CLMN: variants seen among roughly 807,000 people sequenced by gnomAD.
The protein encoded by CLMN is calmin (calponin-like, transmembrane).
In CLMN, 57 loss-of-function variants were observed where a neutral mutation model predicts 92.7. The observed-to-expected ratio is 0.61, with a 90% confidence interval of 0.50 to 0.77. CLMN has a LOEUF of 0.77. CLMN is among the 30% of genes least tolerant of loss of function. The probability of loss-of-function intolerance (pLI) is 0.00; values close to 1 mark genes in which losing one functional copy is unlikely to be tolerated. For synonymous variants in CLMN, 466 were observed against 470.6 expected, an observed-to-expected ratio of 0.99 and a Z score of 0.13; for missense variants, 1,158 against 1,237.5, an observed-to-expected ratio of 0.94 and a Z score of 0.96.
In CLMN at chr14:95,196,125, G is replaced by A. The variant is rs139761552; in HGVS notation, c.2708+373C>T. Among the ~76,000 whole-genome samples, 13 of 152,310 alleles carry A rather than the reference G, an allele frequency of 8.5e-5. No homozygotes were observed. The East Asian group carries it at 2.5e-3, about 29-fold the overall frequency. On this transcript the variant is annotated intron_variant, in intron 10 of 12. Transcript: ENST00000298912. ...GAAGTCATTAAGATGCTTATAAAGT[G>A]AAGTCTGGTCAACCTGTAGTTGTCT...
chr14:95,235,352 A>G (rs1004612605), intron 1 of CLMN, among the ~76,000 whole-genome samples: 2 of 152,226 alleles, frequency 1.3e-5, no homozygotes, highest in African/African-American at 4.8e-5. Flanking sequence ...GAGGATGCAC[A>G]GTTTGGAAAC....
rs1439004916 is a variant in CLMN at position 95,187,783 on chromosome 14, C to G, written c.*3781G>C. ...TACAGTTGTGCATTGCACAGAGGCA[C>G]TTGGCTAAAGAGGGCAATTAGGAGT... On this transcript the variant is annotated 3_prime_UTR_variant, in exon 13 of 13. Coordinates refer to ENST00000298912, the MANE Select transcript of CLMN (RefSeq NM_024734.4). 1 of 152,242 alleles carries G rather than the reference C, an allele frequency of 6.6e-6. No homozygotes were observed. Among genetic ancestry groups the G allele is most frequent in the Non-Finnish European group, 1.5e-5 (1 of 68,062 alleles). 9.4% of individuals were successfully genotyped at this position (152,242 alleles called of 1,614,324 possible). A position where few individuals can be genotyped will look rare whatever the true frequency, so the allele number is the denominator to read the frequency against.
intron 3 of CLMN, among the ~76,000 whole-genome samples, chr14:95,222,038 G>A (rs1313923402): frequency 1.3e-5 from 2 of 152,170 alleles, no homozygotes; most frequent in Admixed American, 1.3e-4. Context: ...TGAGTTGGGG[G>A]GAACTGAAGT....
chr14:95,207,819 G>A (rs543328454), intron 8 of CLMN, among the ~76,000 whole-genome samples: 1 of 152,174 alleles, frequency 6.6e-6, no homozygotes, highest in Non-Finnish European at 1.5e-5. Context: ...CAGGATGAAA[G>A]TCACGGCATG....
intron 1 of CLMN, among the ~76,000 whole-genome samples, chr14:95,278,737 C>T (rs543580261): frequency 2.8e-4 from 42 of 152,280 alleles, no homozygotes; most frequent in African/African-American, 9.4e-4. Context: ...AAGATACTCT[C>T]TTTGCATATT....
In CLMN at chr14:95,220,850, A is replaced by G. The variant is rs1054615549; in HGVS notation, c.324+841T>C. On this transcript the variant is annotated intron_variant, in intron 4 of 12. Coordinates refer to ENST00000298912, the MANE Select transcript of CLMN (RefSeq NM_024734.4). ...TGTGGTGGGGCTGCCCAGAGGTTGC[A>G]GGGGCAGGGCGGTGAGGGCATGTCC... Among the ~76,000 whole-genome samples the G allele has an allele frequency of 3.9e-5, 6 of 152,282 alleles. No homozygotes were observed. In the East Asian group the frequency reaches 1.2e-3, roughly 29 times the overall value.
intron 1 of CLMN, among the ~76,000 whole-genome samples, chr14:95,315,933 G>A (rs757095727): frequency 1.3e-5 from 2 of 152,208 alleles, no homozygotes; most frequent in Non-Finnish European, 2.9e-5. Flanking sequence ...GAAGGGTTGT[G>A]GGTTTTTTGG....
intron 9 of CLMN, among the ~76,000 whole-genome samples, chr14:95,198,773 C>T (rs975105575): frequency 7.9e-5 from 12 of 152,320 alleles, no homozygotes; most frequent in African/African-American, 2.4e-4. Flanking sequence ...TGGACACATG[C>T]ACTCTCTGCT....
intron 1 of CLMN, among the ~76,000 whole-genome samples, chr14:95,315,080 C>T (rs112415196): frequency 0.018 from 2,783 of 151,906 alleles, 80 homozygotes; most frequent in African/African-American, 0.063. Flanking sequence ...GTGTGCTCCA[C>T]TGCTGTGTGA....
intron 2 of CLMN, among the ~76,000 whole-genome samples, chr14:95,227,576 C>T (rs1031924252): frequency 5.9e-5 from 9 of 152,196 alleles, no homozygotes; most frequent in African/African-American, 2.2e-4. Context: ...CTGAGTTAAA[C>T]CTGAAGAATA....
rs537693396 is a variant in CLMN at position 95,204,906 on chromosome 14, G to T, written c.886-443C>A. On this transcript the variant is annotated intron_variant, in intron 8 of 12. Coordinates refer to ENST00000298912, the MANE Select transcript of CLMN (RefSeq NM_024734.4). Reference sequence around the variant, plus strand: ...AAGATCAGCCAAATCTTTATTGATTGTGTGGGCTGGTATGAGAGAGTGAAT... The same window carrying T: ...AAGATCAGCCAAATCTTTATTGATTTTGTGGGCTGGTATGAGAGAGTGAAT... Among the ~76,000 whole-genome samples, 16 of 152,280 alleles carry T rather than the reference G, an allele frequency of 1.1e-4. 1 individual carries two copies. In the South Asian group the frequency reaches 3.3e-3, roughly 32 times the overall value.
intron 1 of CLMN, among the ~76,000 whole-genome samples, chr14:95,254,219 C>T (rs565245957): frequency 2.4e-4 from 37 of 152,312 alleles, no homozygotes; most frequent in African/African-American, 8.4e-4. Context: ...GACCCAGCCC[C>T]ACCCATGACC....
At chr14:95,198,158 T>C (rs1896777627) in intron 9 of CLMN, among the ~76,000 whole-genome samples, 1 of 151,442 alleles carries the variant, frequency 6.6e-6, no homozygotes, top group East Asian at 1.9e-4. Context: ...TAAGTGATTT[T>C]TCTGCCTCAG....
intron 1 of CLMN, among the ~76,000 whole-genome samples, chr14:95,317,606 A>C (rs1162629695): frequency 1.3e-5 from 2 of 152,258 alleles, no homozygotes; most frequent in Non-Finnish European, 2.9e-5. Flanking sequence ...TGGGAAAAAA[A>C]AAAAAAAGGC....
At chr14:95,282,494 A>C (rs770036025) in intron 1 of CLMN, among the ~76,000 whole-genome samples, 17 of 152,254 alleles carry the variant, frequency 1.1e-4, no homozygotes, top group Non-Finnish European at 2.2e-4. Flanking sequence ...CAATTTGTTC[A>C]GACAGACCAT....
At chr14:95,223,618 G>T (rs1040092016) in intron 3 of CLMN, 142 bp downstream of exon 3, 1 of 596,264 alleles carries the variant, frequency 1.7e-6, no homozygotes, top group East Asian at 2.9e-5. Flanking sequence ...TGACTATATG[G>T]CTTGTAGGCA....
chr14:95,234,035 T>C (rs1897970857), intron 1 of CLMN, among the ~76,000 whole-genome samples: 1 of 152,196 alleles, frequency 6.6e-6, no homozygotes, highest in African/African-American at 2.4e-5. Flanking sequence ...CATTGCTCAA[T>C]ACACAGGAGA....
chr14:95,196,735 C>A, intron 9 of CLMN, 41 bp from the exon 10 acceptor site: 1 of 1,588,276 alleles, frequency 6.3e-7, no homozygotes, highest in Non-Finnish European at 8.6e-7. Flanking sequence ...GTATGTCACG[C>A]TGCAGTGTAA....
intron 4 of CLMN, among the ~76,000 whole-genome samples, chr14:95,217,086 C>A (rs899135738): frequency 1.3e-5 from 2 of 152,222 alleles, no homozygotes; most frequent in Non-Finnish European, 2.9e-5. Context: ...GCAGGCCACA[C>A]TGGTGTCTGC....
Sources: gnomAD v4.1 joint callset for allele counts (sites outside exome capture counted in the v4.1 genomes callset) on GRCh38, gnomAD v4.1.1 for gene constraint, MANE v1.5 for transcripts, NCBI Gene and HGNC (gene_info 2026-07-23, HGNC 2026-07-21) for gene names.